EPHA3: variants seen among roughly 807,000 people sequenced by gnomAD.
The protein encoded by EPHA3 is ephrin type-A receptor 3.
A neutral mutation model predicts 107.1 loss-of-function variants in EPHA3; 42 were observed. That is an observed-to-expected ratio of 0.39 (90% confidence interval 0.31 to 0.51). The LOEUF is 0.51. Ranked by LOEUF, EPHA3 falls within the 20% of genes least tolerant of loss-of-function variation. The probability of loss-of-function intolerance (pLI) is 0.78; values close to 1 mark genes in which losing one functional copy is unlikely to be tolerated. For synonymous variants in EPHA3, 461 were observed against 424.8 expected, an observed-to-expected ratio of 1.09 and a Z score of -1.05; for missense variants, 1,183 against 1,211.2, an observed-to-expected ratio of 0.98 and a Z score of 0.35.
At chr3:89,261,614 T>C (rs967511979) in intron 3 of EPHA3, among the ~76,000 whole-genome samples, 4 of 152,056 alleles carry the variant, frequency 2.6e-5, no homozygotes, top group Non-Finnish European at 5.9e-5. Context: ...AATAAATATA[T>C]CTTAAATAAA....
At chr3:89,250,512 T>G (rs1228201914) in intron 3 of EPHA3, among the ~76,000 whole-genome samples, 1 of 152,184 alleles carries the variant, frequency 6.6e-6, no homozygotes, top group East Asian at 1.9e-4. Context: ...ACTTTCTTAA[T>G]TAAGTCTTCA....
chr3:89,467,204 T>G (rs1049600514), intron 15 of EPHA3, among the ~76,000 whole-genome samples: 14 of 152,290 alleles, frequency 9.2e-5, no homozygotes, highest in Non-Finnish European at 1.6e-4. Flanking sequence ...GGGAAACATT[T>G]GAAATTTTAA....
intron 5 of EPHA3, among the ~76,000 whole-genome samples, chr3:89,358,132 A>G (rs1708006346): frequency 6.6e-6 from 1 of 151,214 alleles, no homozygotes; most frequent in Admixed American, 6.6e-5. Flanking sequence ...CAGATATGAA[A>G]GAAGAGAGAC....
intron 5 of EPHA3, among the ~76,000 whole-genome samples, chr3:89,391,427 T>TTC: frequency 7.0e-6 from 1 of 142,978 alleles, no homozygotes; most frequent in Non-Finnish European, 1.5e-5. Flanking sequence ...TTTTCTTTTT[T>TTC]TTTTTTTTTT....
At chr3:89,325,853 T>A (rs1707152834) in intron 3 of EPHA3, among the ~76,000 whole-genome samples, 1 of 151,830 alleles carries the variant, frequency 6.6e-6, no homozygotes, top group African/African-American at 2.4e-5. Context: ...GTTTCCTTAG[T>A]AAATGTAACT....
intron 3 of EPHA3, among the ~76,000 whole-genome samples, chr3:89,297,623 GAAGTGAGCAGATGC>G (rs1706387778): frequency 1.3e-5 from 2 of 152,276 alleles, no homozygotes; most frequent in South Asian, 4.1e-4. Flanking sequence ...ACAGAAACAT[GAAGTGAGCAGATGC>G]TGTTGGAAAA....
intron 5 of EPHA3, among the ~76,000 whole-genome samples, chr3:89,351,883 A>G (rs1707830111): frequency 6.7e-6 from 1 of 150,176 alleles, no homozygotes. Context: ...GTTCCCATCC[A>G]TAAAAATAAA....
intron 5 of EPHA3, among the ~76,000 whole-genome samples, chr3:89,359,770 C>CATATATAT (rs1708049444): frequency 1.4e-5 from 2 of 139,366 alleles, no homozygotes; most frequent in Admixed American, 7.3e-5. Context: ...CATATATACA[C>CATATATAT]ACATATATAT....
intron 13 of EPHA3, among the ~76,000 whole-genome samples, chr3:89,442,885 C>T (rs1709811059): frequency 6.6e-6 from 1 of 152,174 alleles, no homozygotes; most frequent in South Asian, 2.1e-4. Context: ...ATTTCATTTT[C>T]ATTTGGTTTC....
At chr3:89,159,868 C>G (rs1430556928) in intron 2 of EPHA3, among the ~76,000 whole-genome samples, 1 of 152,052 alleles carries the variant, frequency 6.6e-6, no homozygotes, top group Non-Finnish European at 1.5e-5. Context: ...TAAGAAAACT[C>G]TAAACACCAA....
intron 13 of EPHA3, among the ~76,000 whole-genome samples, chr3:89,440,534 C>T (rs1301164541): frequency 6.6e-6 from 1 of 152,160 alleles, no homozygotes; most frequent in Non-Finnish European, 1.5e-5. Context: ...GCCCCGTAAC[C>T]CATACCGCAT....
chr3:89,111,971 T>C (rs1202673649), intron 1 of EPHA3, among the ~76,000 whole-genome samples: 1 of 152,080 alleles, frequency 6.6e-6, no homozygotes, highest in African/African-American at 2.4e-5. Context: ...TATTTTTAAT[T>C]TTATATTTTT....
chr3:89,248,606 A>G (rs1705091526), intron 3 of EPHA3, among the ~76,000 whole-genome samples: 1 of 152,204 alleles, frequency 6.6e-6, no homozygotes, highest in African/African-American at 2.4e-5. Context: ...TGAATATAAC[A>G]TTACATCTCA....
intron 13 of EPHA3, among the ~76,000 whole-genome samples, chr3:89,436,425 A>G (rs1366316203): frequency 6.6e-6 from 1 of 152,172 alleles, no homozygotes; most frequent in Non-Finnish European, 1.5e-5. Context: ...AGTTTCTACA[A>G]TTTGGAGATT....
At chr3:89,416,139 T>C (rs546843399) in intron 10 of EPHA3, among the ~76,000 whole-genome samples, 3 of 151,642 alleles carry the variant, frequency 2.0e-5, no homozygotes, top group African/African-American at 4.8e-5. Context: ...TCGGCTTTTT[T>C]TAATTGTTTA....
chr3:89,247,484 CTTTA>C (rs1186093190), intron 3 of EPHA3, among the ~76,000 whole-genome samples: 1 of 152,046 alleles, frequency 6.6e-6, no homozygotes, highest in Non-Finnish European at 1.5e-5. Flanking sequence ...GGAGCTTTAA[CTTTA>C]TTTATGTGTT....
chr3:89,455,303 G>A (rs1263945919), intron 15 of EPHA3, among the ~76,000 whole-genome samples: 1 of 152,148 alleles, frequency 6.6e-6, no homozygotes. Context: ...TGAGCCAGCT[G>A]TGTAACCTCC....
chr3:89,239,931 C>A (rs1375770348), intron 3 of EPHA3, among the ~76,000 whole-genome samples: 1 of 152,116 alleles, frequency 6.6e-6, no homozygotes, highest in Non-Finnish European at 1.5e-5. Flanking sequence ...ATAAAGAGGA[C>A]TGAGCAGTTG....
At chr3:89,244,429 T>A (rs1704983071) in intron 3 of EPHA3, among the ~76,000 whole-genome samples, 1 of 152,070 alleles carries the variant, frequency 6.6e-6, no homozygotes, top group Non-Finnish European at 1.5e-5. Flanking sequence ...TTTCTGTACA[T>A]CCAACATATT....
Sources: allele counts gnomAD v4.1 joint callset (sites outside exome capture counted in the v4.1 genomes callset), GRCh38; gene constraint gnomAD v4.1.1; transcripts MANE v1.5; gene names NCBI Gene and HGNC (gene_info 2026-07-23, HGNC 2026-07-21).